TAFA2: variants seen among roughly 807,000 people sequenced by gnomAD.
TAFA2 encodes chemokine-like protein TAFA-2.
TAFA2 carries 7 observed loss-of-function variants against 18.8 expected under a neutral mutation model. That is an observed-to-expected ratio of 0.37 (90% CI 0.21 to 0.70). TAFA2 has a LOEUF of 0.70. Among genes scored for constraint, TAFA2 ranks in the 30% least tolerant of loss-of-function variants. The pLI, the probability that TAFA2 is intolerant of heterozygous loss-of-function variation, is 0.53. For synonymous variants in TAFA2, 60 were observed against 54.2 expected, an observed-to-expected ratio of 1.11 and a Z score of -0.47; for missense variants, 122 against 158.1, an observed-to-expected ratio of 0.77 and a Z score of 1.23.
intron 2 of TAFA2, among the ~76,000 whole-genome samples, chr12:61,774,101 C>T (rs779397144): frequency 3.3e-5 from 5 of 151,842 alleles, no homozygotes; most frequent in Admixed American, 6.6e-5. Context: ...TGAAAAAATG[C>T]TCAATATCAC....
At chr12:61,960,864 G>A (rs942864908) in intron 1 of TAFA2, among the ~76,000 whole-genome samples, 1 of 151,186 alleles carries the variant, frequency 6.6e-6, no homozygotes, top group African/African-American at 2.4e-5. Context: ...TATACAACCT[G>A]ATGAAAATAG....
In TAFA2 at chr12:61,826,577, A is replaced by G. The variant is rs767025603; in HGVS notation, c.106+40743T>C. 3.9e-5 allele frequency among the ~76,000 whole-genome samples: 6 copies of G among 152,072 alleles called. No homozygotes were observed. In the East Asian group the frequency reaches 9.6e-4, roughly 24 times the overall value. ...AATACCACCACAAAGCAAATAATTT[A>G]TGAATATTTGAATGCCAATGTGTCA... On this transcript the variant is annotated intron_variant, in intron 2 of 4. Transcript: ENST00000416284.
At chr12:62,163,607 A>G (rs765194007) in intron 1 of TAFA2, among the ~76,000 whole-genome samples, 9 of 152,188 alleles carry the variant, frequency 5.9e-5, no homozygotes, top group South Asian at 2.1e-4. Flanking sequence ...TGTCTTACCT[A>G]TTTAAAGATG....
At chr12:62,085,964 C>T (rs1188261468) in intron 1 of TAFA2, among the ~76,000 whole-genome samples, 1 of 151,974 alleles carries the variant, frequency 6.6e-6, no homozygotes, top group Non-Finnish European at 1.5e-5. Context: ...CTCACTCTTT[C>T]TCTTTCTCTC....
rs574529808 is a variant in TAFA2 at position 61,869,742 on chromosome 12, T to G, written c.-1-2316A>C. Among the ~76,000 whole-genome samples the G allele has an allele frequency of 1.2e-3, 178 of 152,326 alleles. 1 individual carries two copies. The highest frequency in any genetic ancestry group is 4.2e-3 in the African/African-American group (176 of 41,578). ...TCAGTAAACCAAATGTCATTTTAAA[T>G]CTTCCGTTCTATTGCCTTTGTTTCC... is the stretch of plus-strand genomic sequence containing the variant. On this transcript the variant is annotated intron_variant, in intron 1 of 4. Transcript: ENST00000416284.
intron 1 of TAFA2, among the ~76,000 whole-genome samples, chr12:62,136,820 A>G (rs1337643971): frequency 6.6e-6 from 1 of 152,186 alleles, no homozygotes; most frequent in East Asian, 1.9e-4. Context: ...AAAGCTTTAT[A>G]GAACAGTAAT....
At chr12:61,785,319 TTGTGTGTGTGTGTG>T (rs57166010) in intron 2 of TAFA2, among the ~76,000 whole-genome samples, 15 of 140,192 alleles carry the variant, frequency 1.1e-4, no homozygotes, top group African/African-American at 2.4e-4. Context: ...AATAGTATTC[TTGTGTGTGTGTGTG>T]TGTGTGTGTG....
chr12:62,087,667 C>G (rs1413679370), intron 1 of TAFA2, among the ~76,000 whole-genome samples: 5 of 151,858 alleles, frequency 3.3e-5, no homozygotes. Flanking sequence ...AGGGAAGGAG[C>G]CTAGATTTTC....
chr12:61,733,896 T>C (rs1471941264), intron 4 of TAFA2, among the ~76,000 whole-genome samples: 1 of 150,242 alleles, frequency 6.7e-6, no homozygotes, highest in Non-Finnish European at 1.5e-5. Context: ...TGATTCTTCC[T>C]ACCCATGAGC....
At chr12:61,926,786 C>A (rs187668134) in intron 1 of TAFA2, among the ~76,000 whole-genome samples, 1 of 152,138 alleles carries the variant, frequency 6.6e-6, no homozygotes, top group East Asian at 1.9e-4. Context: ...AAAATGGGCA[C>A]AAGAGGGCAG....
At chr12:61,818,494 C>CACACACACAA (rs1872185538) in intron 2 of TAFA2, among the ~76,000 whole-genome samples, 1 of 130,986 alleles carries the variant, frequency 7.6e-6, no homozygotes, top group African/African-American at 3.7e-5. Context: ...AAAAAATACA[C>CACACACACAA]ACACACACAC....
In TAFA2 at chr12:62,210,002, C is replaced by T. The variant is rs149505043; in HGVS notation, c.-130+48761G>A. Among the ~76,000 whole-genome samples the T allele has an allele frequency of 2.0e-5, 3 of 152,030 alleles. No individual in the cohort carries two copies. In the South Asian group the frequency reaches 6.2e-4, roughly 31 times the overall value. On this transcript the variant is annotated intron_variant, in intron 1 of 5. Coordinates refer to the TAFA2 transcript ENST00000551619. Reference sequence around the variant, plus strand: ...GATCACGAGGTCAGGAAATCGAGACCATCCTGGCTAACACAGTGAAACCCC... The same window carrying T: ...GATCACGAGGTCAGGAAATCGAGACTATCCTGGCTAACACAGTGAAACCCC...
At chr12:61,997,339 T>C (rs893974171) in intron 1 of TAFA2, among the ~76,000 whole-genome samples, 1 of 152,006 alleles carries the variant, frequency 6.6e-6, no homozygotes, top group African/African-American at 2.4e-5. Context: ...TTCATGAGAA[T>C]ATCTGGGGGA....
chr12:61,744,793 C>T (rs571660295), intron 4 of TAFA2, among the ~76,000 whole-genome samples: 55 of 152,002 alleles, frequency 3.6e-4, no homozygotes, highest in Non-Finnish European at 7.4e-4. Context: ...TCAAGCAATC[C>T]TCCCACCTCC....
chr12:61,880,780 T>A, intron 1 of TAFA2: 1 of 356,576 alleles, frequency 2.8e-6, no homozygotes. Flanking sequence ...TGAACTGCCA[T>A]GGCAGCCCCT....
At chr12:62,241,860 A>G (rs2062864457) in intron 1 of TAFA2, among the ~76,000 whole-genome samples, 2 of 152,174 alleles carry the variant, frequency 1.3e-5, no homozygotes, top group Admixed American at 6.6e-5. Context: ...GCAACAAACA[A>G]ATATTTATTG....
intron 1 of TAFA2, among the ~76,000 whole-genome samples, chr12:61,927,906 G>T (rs1179848774): frequency 6.6e-6 from 1 of 152,150 alleles, no homozygotes; most frequent in Non-Finnish European, 1.5e-5. Flanking sequence ...AACAAGCAAT[G>T]GGGAAAGCAT....
At chr12:62,222,542 C>G (rs1328500021) in intron 1 of TAFA2, among the ~76,000 whole-genome samples, 4 of 152,010 alleles carry the variant, frequency 2.6e-5, no homozygotes, top group Non-Finnish European at 4.4e-5. Context: ...GAGTCTTGCT[C>G]TGTCGCCCAG....
At chr12:61,829,350 G>T (rs1872633908) in intron 2 of TAFA2, among the ~76,000 whole-genome samples, 3 of 151,698 alleles carry the variant, frequency 2.0e-5, no homozygotes. Flanking sequence ...TAATGATCAT[G>T]TAATGGATAG....
Sources: gnomAD v4.1 joint callset for allele counts (sites outside exome capture counted in the v4.1 genomes callset) on GRCh38, gnomAD v4.1.1 for gene constraint, MANE v1.5 for transcripts, NCBI Gene and HGNC (gene_info 2026-07-23, HGNC 2026-07-21) for gene names.